SYNE1: variants seen among roughly 807,000 people sequenced by gnomAD.
SYNE1 encodes the protein spectrin repeat containing nuclear envelope protein 1.
A neutral mutation model predicts 1,111.0 loss-of-function variants in SYNE1; 616 were observed. The ratio of observed to expected loss-of-function variants is 0.55; its 90% CI spans 0.52 to 0.59. SYNE1 has a LOEUF of 0.59. SYNE1 is among the 20% of genes least tolerant of loss of function. SYNE1 has a pLI of 0.00. For synonymous variants in SYNE1, 3,855 were observed against 3,825.8 expected (o/e 1.01, Z -0.28); for missense variants, 10,006 against 10,417.0 (o/e 0.96, Z 1.72).
intron 22 of SYNE1, chr6:152,456,862 C>T (rs2098700048): frequency 3.2e-6 from 1 of 313,208 alleles, no homozygotes; most frequent in African/African-American, 2.2e-5. Context: ...TATCCAGATG[C>T]AAATATCAAG....
chr6:152,160,029 A>G (rs1370309794), intron 131 of SYNE1, among the ~76,000 whole-genome samples: 1 of 151,812 alleles, frequency 6.6e-6, no homozygotes, highest in Non-Finnish European at 1.5e-5. Flanking sequence ...TTTTTTTTAG[A>G]CAGAGTCTCA....
chr6:152,274,228 T>C (rs2093421194), intron 98 of SYNE1, among the ~76,000 whole-genome samples: 1 of 152,236 alleles, frequency 6.6e-6, no homozygotes, highest in South Asian at 2.1e-4. Flanking sequence ...TCACATTGCA[T>C]GTGCATTTTC....
In SYNE1 at chr6:152,428,344, A is replaced by G; in HGVS notation, c.4837T>C (p.Ser1613Pro). 1 of 1,614,098 alleles carries G rather than the reference A, an allele frequency of 6.2e-7. No individual in the cohort carries two copies. The highest frequency in any genetic ancestry group is 1.1e-5 in the South Asian group (1 of 91,080). ...ESLSSAITAFSASARKVVNRD... is the reference protein window; with the variant it reads ...ESLSSAITAFPASARKVVNRD... ...TTCACAACCTTCCTGGCACTGGCTG[A>G]GAAGGCAGTGATCGCGCTGCTCAGT... Residue 1613 changes from serine to proline, a missense_variant, in exon 37 of 146, where the codon TCA becomes CCA. This residue lies in a region of SYNE1 where 1,971 missense variants were observed against 2,084.1 expected (regional missense o/e 0.95). Coordinates refer to ENST00000367255, the MANE Select transcript of SYNE1 (RefSeq NM_182961.4).
At position 152,398,681 on chromosome 6, in the gene SYNE1, T is replaced by TTGC; in HGVS notation, c.7285_7287dup (p.Ala2429dup). ...TCACCGGTGCGATCTGATGATTCTT[T>TTGC]TGCTGCTGCCTTTGCTCCCAAAAAC... On this transcript the variant is annotated inframe_insertion, in exon 49 of 146. Transcript: ENST00000367255. The TTGC allele has an allele frequency of 6.2e-7, 1 of 1,614,054 alleles. No individual in the cohort carries two copies. Among genetic ancestry groups the TTGC allele is most frequent in the South Asian group, 1.1e-5 (1 of 91,080 alleles).
rs748438021 is a variant in SYNE1, at chr6:152,419,594, T to C, written c.5396A>G (p.His1799Arg). ...CTTATGCCGAGTAAGGGCTACTTGATGGTCCATTATGCTAATCTCAGAGGT... is the reference window on the plus strand; with the variant it reads ...CTTATGCCGAGTAAGGGCTACTTGACGGTCCATTATGCTAATCTCAGAGGT... ...QTTSEISIMDHQVALTRHKDH... is the reference protein window; with the variant it reads ...QTTSEISIMDRQVALTRHKDH... Residue 1799 changes from histidine to arginine, a missense_variant, in exon 40 of 146, where the codon CAT (histidine) becomes CGT (arginine). Around this residue, in one of 7 missense-constraint regions of SYNE1, gnomAD observed 4,955 missense variants for 5,017.2 expected, o/e 0.99. Coordinates refer to ENST00000367255, the MANE Select transcript of SYNE1 (RefSeq NM_182961.4). 2 of 1,612,876 alleles carry C rather than the reference T, an allele frequency of 1.2e-6. No individual in the cohort carries two copies. Among genetic ancestry groups the C allele is most frequent in the Admixed American group, 1.7e-5 (1 of 59,894 alleles).
chr6:152,358,322 T>C (rs1371284364), intron 66 of SYNE1, 51 bp downstream of exon 66: 1 of 1,612,690 alleles, frequency 6.2e-7, no homozygotes, highest in East Asian at 2.2e-5. Flanking sequence ...AAAATAATAA[T>C]TCCATATTCA....
chr6:152,186,556 CAAAAAAAAAAAAAAAAAAAAA>C lies in SYNE1; in HGVS notation c.23301+2675_23301+2695del, dbSNP rs59187571. 1.6e-3 allele frequency among the ~76,000 whole-genome samples: 62 copies of C among 38,038 alleles called. 1 individual carries two copies. Among genetic ancestry groups the C allele is most frequent in the East Asian group, 0.016 (18 of 1,128 alleles). The allele number at this position is 38,038 out of a possible 152,430, so 25.0% of individuals were successfully genotyped here. A position where few individuals can be genotyped will look rare whatever the true frequency, so the allele number is the denominator to read the frequency against. On this transcript the variant is annotated intron_variant, in intron 128 of 145. Transcript: ENST00000367255. ...GGGCAACAAGAGAGCAGCTCTGTGT[CAAAAAAAAAAAAAAAAAAAAA>C]AAAAAAAAAAAAAAAAAAAGAAGAA...
At chr6:152,262,947 C>T (rs1168491991) in intron 100 of SYNE1, among the ~76,000 whole-genome samples, 2 of 149,522 alleles carry the variant, frequency 1.3e-5, no homozygotes, top group Non-Finnish European at 1.5e-5. Flanking sequence ...GGAGATAGTA[C>T]AGGGCCTGGG....
intron 37 of SYNE1, among the ~76,000 whole-genome samples, 183 bp downstream of exon 37, chr6:152,428,022 C>A (rs1036865252): frequency 6.6e-6 from 1 of 151,986 alleles, no homozygotes; most frequent in Non-Finnish European, 1.5e-5. Flanking sequence ...ATGTAAAGAC[C>A]CATATATATC....
intron 30 of SYNE1, among the ~76,000 whole-genome samples, chr6:152,443,807 A>G (rs2098553600): frequency 6.6e-6 from 1 of 152,216 alleles, no homozygotes; most frequent in South Asian, 2.1e-4. Flanking sequence ...AACAAGGTAT[A>G]TATTCCTTTT....
intron 14 of SYNE1, among the ~76,000 whole-genome samples, chr6:152,480,381 C>T (rs1178482821): frequency 1.3e-5 from 2 of 152,212 alleles, no homozygotes; most frequent in Non-Finnish European, 2.9e-5. Context: ...ATTAGCCAGG[C>T]ATGGTGGTGG....
chr6:152,175,798 T>C (rs1233576279), intron 130 of SYNE1, among the ~76,000 whole-genome samples: 1 of 152,204 alleles, frequency 6.6e-6, no homozygotes, highest in Non-Finnish European at 1.5e-5. Context: ...TATATTTTTC[T>C]TTTTGACTTT....
intron 3 of SYNE1, among the ~76,000 whole-genome samples, chr6:152,553,901 T>C (rs1208421197): frequency 2.0e-5 from 3 of 152,168 alleles, no homozygotes; most frequent in Admixed American, 6.5e-5. Flanking sequence ...CATGCAATTA[T>C]GCAGCTGAAG....
chr6:152,136,284 A>G (rs1247041200), intron 141 of SYNE1, among the ~76,000 whole-genome samples: 1 of 152,242 alleles, frequency 6.6e-6, no homozygotes, highest in Non-Finnish European at 1.5e-5. Flanking sequence ...TTGATGTTCA[A>G]GAAGGGTCTG....
chr6:152,581,575 G>C (rs76243067), intron 3 of SYNE1, among the ~76,000 whole-genome samples: 2,887 of 152,148 alleles, frequency 0.019, 103 homozygotes, highest in African/African-American at 0.066. Context: ...GGCCCCTCTC[G>C]CTACACCAAC....
At chr6:152,559,984 G>T (rs1379493772) in intron 3 of SYNE1, among the ~76,000 whole-genome samples, 2 of 152,250 alleles carry the variant, frequency 1.3e-5, no homozygotes, top group East Asian at 1.9e-4. Flanking sequence ...ATGAACAATT[G>T]TATATCAACA....
intron 73 of SYNE1, among the ~76,000 whole-genome samples, chr6:152,345,927 A>C (rs2096621411): frequency 6.6e-6 from 1 of 152,218 alleles, no homozygotes; most frequent in South Asian, 2.1e-4. Context: ...CGTTTCTCAA[A>C]TTCTATATGA....
chr6:152,152,046 T>G lies in SYNE1; in HGVS notation c.24225A>C (p.Ala8075=). 1 of 1,614,176 alleles carries G rather than the reference T, an allele frequency of 6.2e-7. No homozygotes were observed. Residue 8075 remains alanine (A), a synonymous_variant, in exon 134 of 146, where the codon GCA becomes GCC. Transcript: ENST00000367255. ...RLARENRTDS[A]CSLKQMVHEG... ...CGTGAACCATCTGTTTGAGGCTACA[T>G]GCTGAATCAGTGCGGTTCTCCCTGG...
intron 116 of SYNE1, 121 bp from the exon 117 acceptor site, chr6:152,224,785 C>T: frequency 9.8e-7 from 1 of 1,016,600 alleles, no homozygotes; most frequent in East Asian, 2.6e-5. Context: ...GTATCATAAA[C>T]AAACAAAACT....
Sources: allele counts gnomAD v4.1 joint callset (sites outside exome capture counted in the v4.1 genomes callset), GRCh38; gene constraint gnomAD v4.1.1; regional missense constraint gnomAD v4.1.1; transcripts MANE v1.5; gene names NCBI Gene and HGNC (gene_info 2026-07-23, HGNC 2026-07-21).